SLC36A1: variants seen among roughly 807,000 people sequenced by gnomAD.
The protein encoded by SLC36A1 is solute carrier family 36 member 1.
SLC36A1 carries 30 observed loss-of-function variants against 47.5 expected under a neutral mutation model. The observed-to-expected ratio is 0.63, with a 90% CI of 0.47 to 0.86. The LOEUF is 0.86. SLC36A1 is among the 40% of genes least tolerant of loss of function. The pLI is 0.00. For missense variants in SLC36A1, 517 were observed against 606.0 expected (o/e 0.85, Z 1.54); for synonymous variants, 255 against 249.7 (o/e 1.02, Z -0.20).
chr5:151,538,340 T>C, the SLC36A1 span, among the ~76,000 whole-genome samples: 2 of 152,196 alleles, frequency 1.3e-5, no homozygotes, highest in African/African-American at 2.4e-5. Flanking sequence ...GGGCCTGATA[T>C]AGGCATTCTG....
the SLC36A1 span, chr5:151,543,179 C>T: frequency 6.2e-7 from 1 of 1,614,180 alleles, no homozygotes. Flanking sequence ...TCCAATCCCA[C>T]CAGGCTGTCT....
chr5:151,382,191 C>T, the SLC36A1 span: 22 of 1,115,404 alleles, frequency 2.0e-5, no homozygotes, highest in South Asian at 2.5e-5. Context: ...GAATGAGCAG[C>T]GTCTGATGTC....
upstream of SLC36A1, among the ~76,000 whole-genome samples, chr5:151,444,341 T>G (rs1337028601): frequency 6.6e-6 from 1 of 152,216 alleles, no homozygotes; most frequent in Non-Finnish European, 1.5e-5. Context: ...TTCAATTTAT[T>G]TAATCATTGT....
chr5:151,549,653 A>G, the SLC36A1 span: 11 of 643,378 alleles, frequency 1.7e-5, no homozygotes, highest in Admixed American at 2.8e-5. Context: ...GTTCTAATCT[A>G]TATGCTCTTT....
chr5:151,512,310 T>C, the SLC36A1 span: 6 of 1,614,218 alleles, frequency 3.7e-6, no homozygotes, highest in South Asian at 5.5e-5. The surrounding 1 kb of genome is among the most constrained non-coding windows in gnomAD (Gnocchi z 4.1). Flanking sequence ...CTAGAGCCTC[T>C]TCGTTGACCA....
At chr5:151,500,046 C>T in the SLC36A1 span, among the ~76,000 whole-genome samples, 1 of 152,202 alleles carries the variant, frequency 6.6e-6, no homozygotes, top group South Asian at 2.1e-4. Context: ...AGACCCCCAC[C>T]TCCCCAAATC....
At chr5:151,469,786 G>A (rs1757065289) in intron 7 of SLC36A1, among the ~76,000 whole-genome samples, 1 of 150,988 alleles carries the variant, frequency 6.6e-6, no homozygotes, top group East Asian at 1.9e-4. Flanking sequence ...ATATATGTAT[G>A]ATATATTAGT....
chr5:151,505,378 T>G, the SLC36A1 span: 1 of 685,568 alleles, frequency 1.5e-6, no homozygotes, highest in Non-Finnish European at 2.4e-6. Context: ...AGCTCTATCC[T>G]CAGCTTCCCT....
the SLC36A1 span, among the ~76,000 whole-genome samples, chr5:151,506,784 T>G: frequency 1.2e-3 from 189 of 152,334 alleles, 2 homozygotes; most frequent in African/African-American, 4.2e-3. Context: ...GCTGCTGCAC[T>G]TCCACACTGG....
the SLC36A1 span, among the ~76,000 whole-genome samples, chr5:151,432,031 C>T: frequency 2.4e-4 from 37 of 152,170 alleles, no homozygotes; most frequent in Admixed American, 2.4e-3. Flanking sequence ...AAATGGGCTT[C>T]TCCACCGCAC....
At chr5:151,458,304 G>GTGTGTGTATATATATATATATATATA (rs1175105944) in intron 1 of SLC36A1, among the ~76,000 whole-genome samples, 1 of 76,592 alleles carries the variant, frequency 1.3e-5, no homozygotes, top group African/African-American at 7.3e-5. Flanking sequence ...ACATACACGT[G>GTGTGTGTATATATATATATATATATA]TATATACGTA....
chr5:151,542,479 G>A, the SLC36A1 span: 4 of 1,614,218 alleles, frequency 2.5e-6, no homozygotes, highest in South Asian at 4.4e-5. Flanking sequence ...TAGCTGGATG[G>A]TCTGTCCGTG....
chr5:151,547,189 A>C, the SLC36A1 span, among the ~76,000 whole-genome samples: 1 of 152,258 alleles, frequency 6.6e-6, no homozygotes, highest in Non-Finnish European at 1.5e-5. Context: ...AAGTCAAAGA[A>C]AAAATACCGT....
At chr5:151,456,130 C>A (rs989174475) in intron 1 of SLC36A1, among the ~76,000 whole-genome samples, 1 of 152,238 alleles carries the variant, frequency 6.6e-6, no homozygotes, top group South Asian at 2.1e-4. Flanking sequence ...AAGGTTCTAT[C>A]TTCAGATGCT....
chr5:151,347,987 A>T, the SLC36A1 span, among the ~76,000 whole-genome samples: 2 of 152,262 alleles, frequency 1.3e-5, no homozygotes, highest in East Asian at 1.9e-4. Flanking sequence ...TCTCCAAGAA[A>T]ATACCTACAA....
the SLC36A1 span, chr5:151,531,445 A>G: frequency 8.5e-7 from 1 of 1,174,692 alleles, no homozygotes; most frequent in South Asian, 1.6e-5. This position sits in a 1 kb window ranked among gnomAD's most constrained non-coding sequence, Gnocchi z 5.7. Context: ...CTCGGAGAGA[A>G]GCAGAAGAGA....
chr5:151,479,893 T>C, intron 10 of SLC36A1: 1 of 523,894 alleles, frequency 1.9e-6, no homozygotes, highest in East Asian at 3.1e-5. Context: ...TTTTCCACTG[T>C]GACAAGTTGC....
upstream of SLC36A1, among the ~76,000 whole-genome samples, chr5:151,435,935 G>A (rs1229390423): frequency 6.6e-6 from 1 of 151,604 alleles, no homozygotes; most frequent in Non-Finnish European, 1.5e-5. Flanking sequence ...AAAGTAAAAG[G>A]GATAGGAAAG....
the SLC36A1 span, among the ~76,000 whole-genome samples, chr5:151,409,668 G>A: frequency 6.6e-6 from 1 of 152,162 alleles, no homozygotes; most frequent in Non-Finnish European, 1.5e-5. Flanking sequence ...CTCAGAATCT[G>A]CATTGTAATA....
Sources: allele counts gnomAD v4.1 joint callset (sites outside exome capture counted in the v4.1 genomes callset), GRCh38; gene constraint gnomAD v4.1.1; non-coding constraint Gnocchi (gnomAD v3.1); transcripts MANE v1.5; gene names NCBI Gene and HGNC (gene_info 2026-07-23, HGNC 2026-07-21).